LMF1: variants seen among roughly 807,000 people sequenced by gnomAD.
LMF1 encodes the protein lipase maturation factor 1.
Under a neutral mutation model 60.6 loss-of-function variants are expected in LMF1, and 68 were observed. That is an observed-to-expected ratio of 1.12 (90% CI 0.92 to 1.37). The LOEUF (loss-of-function observed/expected upper bound fraction) is 1.37, where lower values mean the gene tolerates loss of function less well. LMF1 is among the 40% of genes most tolerant of loss of function. The pLI is 0.00. For synonymous variants in LMF1, 418 were observed against 324.7 expected (o/e 1.29, Z -3.09); for missense variants, 948 against 767.2 (o/e 1.24, Z -2.78).
upstream of LMF1, among the ~76,000 whole-genome samples, chr16:972,778 C>T (rs1353126737): frequency 2.6e-5 from 4 of 152,250 alleles, no homozygotes; most frequent in Non-Finnish European, 5.9e-5. Flanking sequence ...CCTCTTGTTC[C>T]AGCTTCCAGC....
chr16:954,098 G>T, intron 2 of LMF1: 2 of 588,590 alleles, frequency 3.4e-6, no homozygotes, highest in Admixed American at 2.2e-5. Flanking sequence ...CCATCCCTCT[G>T]GCTCCAGTAA....
intron 3 of LMF1, among the ~76,000 whole-genome samples, chr16:925,668 C>A (rs185913574): frequency 6.6e-6 from 1 of 151,988 alleles, no homozygotes; most frequent in African/African-American, 2.4e-5. Flanking sequence ...CTGCGGAGGT[C>A]GAGGCTGCAA....
intron 2 of LMF1, among the ~76,000 whole-genome samples, chr16:952,365 G>A (rs9939249): frequency 0.48 from 72,267 of 151,444 alleles, 18,957 homozygotes; most frequent in African/African-American, 0.7. Flanking sequence ...GAGCCTGCAG[G>A]GCCTGGGCTG....
At chr16:976,394 A>G (rs2073145282) in intron 1 of LMF1, 2 of 454,006 alleles carry the variant, frequency 4.4e-6, no homozygotes, top group South Asian at 3.1e-5. Context: ...TACACGGCAC[A>G]GCTGTACTGC....
At chr16:855,292 C>T in intron 10 of LMF1, 1 of 254,128 alleles carries the variant, frequency 3.9e-6, no homozygotes, top group Non-Finnish European at 7.8e-6. Context: ...TGGCTGGCTG[C>T]TCTCCTCTGT....
At position 870,043 on chromosome 16, in the gene LMF1, A is replaced by G. The variant is rs776446973; in HGVS notation, c.1256T>C (p.Val419Ala). The G allele has an allele frequency of 5.0e-6, 8 of 1,610,448 alleles. No individual in the cohort carries two copies. The East Asian group carries it at 1.8e-4, about 36-fold the overall frequency. ...GGAGCTGGCTGTGCCCTGCAGGATC[A>G]CCTCCGCCCGCTCCTTGGTGATGCT... ...FGSITKERAE[V>A]ILQGTASSNA... Residue 419 changes from valine to alanine, a missense_variant, in exon 9 of 11, where the codon GTG becomes GCG. By Grantham distance (64) the Val-to-Ala change is moderately conservative (BLOSUM62 0). Transcript: ENST00000262301.
At chr16:913,086 C>T (rs539293319) in intron 3 of LMF1, among the ~76,000 whole-genome samples, 6 of 152,332 alleles carry the variant, frequency 3.9e-5, no homozygotes, top group South Asian at 2.1e-4. Flanking sequence ...GTGCCTTTCC[C>T]GTTGCGCAGC....
chr16:894,456 C>A (rs368159779), intron 4 of LMF1, among the ~76,000 whole-genome samples: 2 of 148,842 alleles, frequency 1.3e-5, no homozygotes, highest in East Asian at 4.0e-4. Flanking sequence ...GCCCACCCAT[C>A]CCCCTGTCCA....
At chr16:880,851 G>A (rs2070143251) in intron 5 of LMF1, among the ~76,000 whole-genome samples, 1 of 152,260 alleles carries the variant, frequency 6.6e-6, no homozygotes, top group Admixed American at 6.5e-5. Context: ...GGTGGGAAGA[G>A]TGCCCTAGAT....
chr16:969,735 C>T (rs913434553), intron 1 of LMF1, among the ~76,000 whole-genome samples: 2 of 152,206 alleles, frequency 1.3e-5, no homozygotes, highest in African/African-American at 4.8e-5. Context: ...GGCTGCATCT[C>T]GGCCTGGCAG....
chr16:947,940 AG>A (rs1211172230), intron 2 of LMF1, among the ~76,000 whole-genome samples: 9 of 151,508 alleles, frequency 5.9e-5, no homozygotes, highest in Non-Finnish European at 1.0e-4. Context: ...CGACAGAGTC[AG>A]CCAATGACAG....
chr16:979,201 C>T, intron 1 of LMF1: 1 of 423,340 alleles, frequency 2.4e-6, no homozygotes, highest in Non-Finnish European at 4.8e-6. Flanking sequence ...GGCGTCCTCT[C>T]AGGCCTAGTG....
chr16:863,535 T>C (rs1596844695), intron 10 of LMF1, among the ~76,000 whole-genome samples: 1 of 152,374 alleles, frequency 6.6e-6, no homozygotes, highest in South Asian at 2.1e-4. Context: ...AAAAGAACCA[T>C]CTCTTTGTTT....
At chr16:884,393 C>G (rs562302234) in intron 5 of LMF1, among the ~76,000 whole-genome samples, 1 of 152,182 alleles carries the variant, frequency 6.6e-6, no homozygotes, top group East Asian at 1.9e-4. Context: ...GCAAATGAGA[C>G]GAGAGTAGAG....
At chr16:979,894 C>A in intron 1 of LMF1, 1 of 393,972 alleles carries the variant, frequency 2.5e-6, no homozygotes, top group Non-Finnish European at 5.2e-6. Context: ...GCGCCCCAGG[C>A]GATGCTCTGA....
chr16:947,509 G>A (rs1396789732), intron 2 of LMF1: 8 of 455,980 alleles, frequency 1.8e-5, no homozygotes, highest in East Asian at 1.4e-4. Context: ...CAGCCCTGGC[G>A]CTGCTCTCAG....
intron 1 of LMF1, among the ~76,000 whole-genome samples, chr16:977,927 A>ACACACGCACCG (rs753784884): frequency 6.9e-6 from 1 of 144,278 alleles, no homozygotes; most frequent in Non-Finnish European, 1.5e-5. Flanking sequence ...CACATACCAC[A>ACACACGCACCG]CACATACATC....
upstream of LMF1, chr16:975,833 G>A: frequency 2.2e-6 from 1 of 454,162 alleles, no homozygotes; most frequent in Non-Finnish European, 4.4e-6. Flanking sequence ...TCCTGGCCGG[G>A]GAGGTCAGGG....
intron 3 of LMF1, among the ~76,000 whole-genome samples, chr16:917,862 G>T (rs190808345): frequency 3.3e-4 from 51 of 152,330 alleles, no homozygotes; most frequent in African/African-American, 1.1e-3. Context: ...CTGGCCTGTG[G>T]TCACCCAGAG....
Sources: gnomAD v4.1 joint callset for allele counts (sites outside exome capture counted in the v4.1 genomes callset) on GRCh38, gnomAD v4.1.1 for gene constraint, MANE v1.5 for transcripts, NCBI Gene and HGNC (gene_info 2026-07-23, HGNC 2026-07-21) for gene names.